The following MCTP2 variants were observed in gnomAD, a reference collection of about 807,000 sequenced individuals.
MCTP2 encodes the protein multiple C2 and transmembrane domain-containing protein 2.
MCTP2 carries 132 observed loss-of-function variants against 111.6 expected under a neutral mutation model. The observed-to-expected ratio is 1.18, with a 90% confidence interval of 1.03 to 1.37. MCTP2 has a LOEUF of 1.37. Among genes scored for constraint, MCTP2 ranks in the 40% most tolerant of loss-of-function variants. MCTP2 has a pLI of 0.00. For missense variants in MCTP2, 1,183 were observed against 1,067.9 expected (o/e 1.11, Z -1.50); for synonymous variants, 395 against 387.7 (o/e 1.02, Z -0.22).
intron 1 of MCTP2, among the ~76,000 whole-genome samples, chr15:94,296,804 G>A (rs2075296504): frequency 6.6e-6 from 1 of 152,202 alleles, no homozygotes; most frequent in African/African-American, 2.4e-5. Flanking sequence ...CATGGAGTCT[G>A]TTTTGAGAGG....
At chr15:94,304,382 C>T (rs1305901950) in intron 2 of MCTP2, among the ~76,000 whole-genome samples, 2 of 152,230 alleles carry the variant, frequency 1.3e-5, no homozygotes, top group Non-Finnish European at 1.5e-5. Context: ...GCAGAGGTTG[C>T]AGTGGGCTGT....
chr15:94,288,018 G>C (rs1263197441), intron 1 of MCTP2, among the ~76,000 whole-genome samples: 1 of 152,212 alleles, frequency 6.6e-6, no homozygotes, highest in African/African-American at 2.4e-5. Context: ...GGTGGAGGCA[G>C]TGGCAGCAAA....
Sources: allele counts gnomAD v4.1 joint callset (sites outside exome capture counted in the v4.1 genomes callset), GRCh38; gene constraint gnomAD v4.1.1; transcripts MANE v1.5; gene names NCBI Gene and HGNC (gene_info 2026-07-23, HGNC 2026-07-21).